The following COL4A4 variants were observed in gnomAD, a reference collection of about 807,000 sequenced individuals.
COL4A4 encodes the protein collagen alpha-4(IV) chain.
In COL4A4, 105 loss-of-function variants were observed where a neutral mutation model predicts 192.9. That is an observed-to-expected ratio of 0.54 (90% CI 0.46 to 0.64). COL4A4 has a LOEUF of 0.64. Ranked by LOEUF, COL4A4 falls within the 30% of genes least tolerant of loss-of-function variation. The pLI is 0.00. For missense variants in COL4A4, 1,967 were observed against 2,169.3 expected, an observed-to-expected ratio of 0.91 and a Z score of 1.85; for synonymous variants, 762 against 769.9, an observed-to-expected ratio of 0.99 and a Z score of 0.17.
At chr2:227,026,438 G>A (rs1209054651) in intron 42 of COL4A4, among the ~76,000 whole-genome samples, 1 of 151,322 alleles carries the variant, frequency 6.6e-6, no homozygotes, top group East Asian at 1.9e-4. Flanking sequence ...GGTGGAGCTT[G>A]CAGTGAGCCG....
chr2:227,106,552 AT>A (rs1290434654), intron 12 of COL4A4, among the ~76,000 whole-genome samples: 1 of 83,250 alleles, frequency 1.2e-5, no homozygotes, highest in Non-Finnish European at 2.6e-5. Flanking sequence ...CTGCATCAAT[AT>A]TTTATCTTAT....
chr2:227,125,336 G>A (rs1001191737), intron 4 of COL4A4, among the ~76,000 whole-genome samples: 1 of 151,628 alleles, frequency 6.6e-6, no homozygotes, highest in Non-Finnish European at 1.5e-5. Context: ...GCCTCCCCCC[G>A]TAGCTGGGAC....
chr2:227,094,521 G>A lies in COL4A4; in HGVS notation c.1205-232C>T, dbSNP rs555727863. On this transcript the variant is annotated intron_variant, in intron 19 of 47. Coordinates refer to ENST00000396625, the MANE Select transcript of COL4A4 (RefSeq NM_000092.5). The stretch of plus-strand genomic sequence containing the variant: ...TCAAACTCATAAAAGCAGAGAGTAG[G>A]ATGGTGGTTCCCAGGGGCTGGGGGA... 2.0e-5 allele frequency among the ~76,000 whole-genome samples: 3 copies of A among 152,278 alleles called. No individual in the cohort carries two copies. The East Asian group carries it at 5.8e-4, about 29-fold the overall frequency.
intron 15 of COL4A4, 89 bp downstream of exon 15, chr2:227,102,700 G>T: frequency 9.1e-7 from 1 of 1,102,886 alleles, no homozygotes; most frequent in South Asian, 1.2e-5. Flanking sequence ...CTTCACTTTT[G>T]AGCTTGTGGG....
intron 31 of COL4A4, among the ~76,000 whole-genome samples, chr2:227,052,657 C>T (rs1974373166): frequency 6.6e-6 from 1 of 152,144 alleles, no homozygotes; most frequent in African/African-American, 2.4e-5. Context: ...TGAATGTTTG[C>T]CAAATTCAAC....
rs56983325 is a variant in COL4A4 at position 227,005,204 on chromosome 2, GTTTT to G, written c.*2117_*2120del. On this transcript the variant is annotated 3_prime_UTR_variant, in exon 48 of 48. Coordinates refer to ENST00000396625, the MANE Select transcript of COL4A4 (RefSeq NM_000092.5). The stretch of plus-strand genomic sequence containing the variant: ...CATAATTTAGCCTGTCTTTGTGTGG[GTTTT>G]TTTTTTTTACTTATTTATTAACTTA... 4.1e-5 allele frequency: 6 copies of G among 147,266 alleles called. No individual in the cohort carries two copies. The highest frequency in any genetic ancestry group is 9.0e-5 in the Non-Finnish European group (6 of 66,712). 9.1% of individuals were successfully genotyped at this position (147,266 alleles called of 1,614,324 possible).
intron 4 of COL4A4, among the ~76,000 whole-genome samples, chr2:227,127,596 A>G (rs2062165450): frequency 6.6e-6 from 1 of 152,252 alleles, no homozygotes; most frequent in Admixed American, 6.5e-5. Flanking sequence ...CCAAAAGATA[A>G]GAGGGTATGT....
intron 37 of COL4A4, among the ~76,000 whole-genome samples, chr2:227,039,316 G>A (rs950616937): frequency 3.3e-5 from 5 of 151,988 alleles, no homozygotes; most frequent in Admixed American, 6.6e-5. Flanking sequence ...ACAGGCACCC[G>A]CCATCACGCT....
chr2:227,121,172 A>G (rs181059842), intron 4 of COL4A4, 24 bp from the exon 5 acceptor site: 1 of 1,612,804 alleles, frequency 6.2e-7, no homozygotes, highest in Non-Finnish European at 8.5e-7. Flanking sequence ...TTAAAAAGAA[A>G]TGGGGGTGCA....
chr2:226,970,054 C>T, the COL4A4 span, among the ~76,000 whole-genome samples: 1 of 141,550 alleles, frequency 7.1e-6, no homozygotes, highest in African/African-American at 2.6e-5. Context: ...ATCGTCATCC[C>T]AGCCCTCTCC....
chr2:227,118,805 T>C (rs543480682), intron 6 of COL4A4, 44 bp from the exon 7 acceptor site: 3 of 1,221,504 alleles, frequency 2.5e-6, no homozygotes, highest in Non-Finnish European at 3.6e-6. Context: ...TGCGAAAATA[T>C]CATTACATAA....
the COL4A4 span, among the ~76,000 whole-genome samples, chr2:226,969,610 T>C: frequency 1.3e-5 from 2 of 152,018 alleles, no homozygotes; most frequent in Admixed American, 1.3e-4. Context: ...AAAACGTGAG[T>C]CCCGTTTGAC....
chr2:226,968,498 C>T, the COL4A4 span, among the ~76,000 whole-genome samples: 1 of 152,188 alleles, frequency 6.6e-6, no homozygotes, highest in Non-Finnish European at 1.5e-5. Context: ...AATAATCTCC[C>T]TTAAAGTCAG....
At chr2:227,009,721 GAAGAGAAGAGAAAA>G (rs1963164652) in intron 46 of COL4A4, among the ~76,000 whole-genome samples, 5 of 49,680 alleles carry the variant, frequency 1.0e-4, no homozygotes, top group African/African-American at 2.7e-4. Flanking sequence ...GAGGAAAAGA[GAAGAGAAGAGAAAA>G]GAGAAGAGAA....
chr2:227,075,087 G>A (rs541785839), intron 25 of COL4A4, among the ~76,000 whole-genome samples: 11 of 152,200 alleles, frequency 7.2e-5, no homozygotes, highest in African/African-American at 2.6e-4. Context: ...AAGAGGAGCT[G>A]GTACCATTTC....
intron 37 of COL4A4, 106 bp from the exon 38 acceptor site, chr2:227,033,587 G>A: frequency 2.2e-6 from 2 of 905,732 alleles, no homozygotes; most frequent in South Asian, 1.4e-5. Context: ...GCTGGGGCCA[G>A]CAAACAGCTC....
intron 4 of COL4A4, among the ~76,000 whole-genome samples, chr2:227,136,110 C>T (rs771263371): frequency 3.9e-5 from 6 of 152,158 alleles, no homozygotes; most frequent in Non-Finnish European, 7.3e-5. Flanking sequence ...TCAGGATCAA[C>T]GTTTTACTTG....
At chr2:226,970,385 A>T in the COL4A4 span, among the ~76,000 whole-genome samples, 10 of 152,118 alleles carry the variant, frequency 6.6e-5, no homozygotes, top group Non-Finnish European at 1.3e-4. Flanking sequence ...TTTTTACTAA[A>T]ATAAGCTTTT....
the COL4A4 span, among the ~76,000 whole-genome samples, chr2:226,969,582 C>T: frequency 6.6e-6 from 1 of 152,066 alleles, no homozygotes; most frequent in African/African-American, 2.4e-5. Context: ...TTGACTCCGT[C>T]ACCAAAGAAA....
Sources: allele counts gnomAD v4.1 joint callset (sites outside exome capture counted in the v4.1 genomes callset), GRCh38; gene constraint gnomAD v4.1.1; transcripts MANE v1.5; gene names NCBI Gene and HGNC (gene_info 2026-07-23, HGNC 2026-07-21).